PARG: variants seen among roughly 807,000 people sequenced by gnomAD.
The protein encoded by PARG is poly(ADP-ribose) glycohydrolase.
Under a neutral mutation model 113.0 loss-of-function variants are expected in PARG, and 35 were observed. The ratio of observed to expected loss-of-function variants is 0.31; its 90% confidence interval spans 0.24 to 0.41. The LOEUF is 0.41. Among genes scored for constraint, PARG ranks in the 10% least tolerant of loss-of-function variants. The pLI is 1.00. For missense variants in PARG, 797 were observed against 1,169.4 expected (o/e 0.68, Z 4.64); for synonymous variants, 330 against 409.9 (o/e 0.81, Z 2.36).
chr10:49,901,488 C>G (rs1848346495), intron 7 of PARG, among the ~76,000 whole-genome samples: 1 of 151,304 alleles, frequency 6.6e-6, no homozygotes, highest in Admixed American at 6.6e-5. Flanking sequence ...CCATGCAAAT[C>G]AAGTAACGTG....
chr10:49,907,464 T>G (rs1202784886), intron 7 of PARG, among the ~76,000 whole-genome samples: 1 of 152,116 alleles, frequency 6.6e-6, no homozygotes, highest in Non-Finnish European at 1.5e-5. Context: ...ATGGACCTAT[T>G]TAGTCTTTGA....
intron 7 of PARG, among the ~76,000 whole-genome samples, chr10:49,898,048 C>T (rs1564641148): frequency 6.6e-6 from 1 of 152,004 alleles, no homozygotes; most frequent in African/African-American, 2.4e-5. Context: ...CTTTTCTTCC[C>T]AGGTTCACAA....
At chr10:49,888,608 T>C (rs1554840875) in intron 7 of PARG, among the ~76,000 whole-genome samples, 2 of 152,236 alleles carry the variant, frequency 1.3e-5, no homozygotes, top group Admixed American at 1.3e-4. Flanking sequence ...GTTTTCTGTA[T>C]AGGCATTGTG....
chr10:49,830,910 T>G (rs1249795089), intron 16 of PARG, among the ~76,000 whole-genome samples: 1 of 152,214 alleles, frequency 6.6e-6, no homozygotes, highest in African/African-American at 2.4e-5. Flanking sequence ...ACTGTAGTAC[T>G]CCTTATAATA....
In PARG at chr10:49,865,914, C is replaced by G. The variant is rs1426834430; in HGVS notation, c.2069-533G>C. ...AAAAAGGAAATCATTTGCACATCCT[C>G]TGGAGTTAGTACAGCTAAGTCTCAG... On this transcript the variant is annotated intron_variant, in intron 10 of 17. Coordinates refer to ENST00000616448, the MANE Select transcript of PARG (RefSeq NM_003631.5). Among the ~76,000 whole-genome samples the G allele has an allele frequency of 4.1e-4, 62 of 151,198 alleles. 1 individual carries two copies. Among genetic ancestry groups the G allele is most frequent in the African/African-American group, 1.5e-3 (60 of 41,222 alleles).
chr10:49,836,306 A>ATTTTTTTTT (rs1844922089), intron 15 of PARG, among the ~76,000 whole-genome samples: 1 of 26,280 alleles, frequency 3.8e-5, no homozygotes, highest in Non-Finnish European at 1.3e-4. Context: ...ATTTCTTACG[A>ATTTTTTTTT]CTTTTTTTTT....
At position 49,819,500 on chromosome 10, in the gene PARG, G is replaced by A; in HGVS notation, c.2777-6C>T. 6.5e-7 allele frequency: 1 copy of A among 1,549,492 alleles called. No individual in the cohort carries two copies. Among genetic ancestry groups the A allele is most frequent in the Non-Finnish European group, 8.7e-7 (1 of 1,145,122 alleles). The stretch of plus-strand genomic sequence containing the variant: ...CAACAGCTTATACACATCTCCTGGA[G>A]AGCAAAAGGTCAGACCAGAGGCACA... On this transcript the variant is annotated splice_polypyrimidine_tract_variant and splice_region_variant and intron_variant, in intron 17 of 17. Coordinates refer to ENST00000616448, the MANE Select transcript of PARG (RefSeq NM_003631.5).
intron 8 of PARG, among the ~76,000 whole-genome samples, 198 bp downstream of exon 8, chr10:49,885,004 TC>T (rs1847397942): frequency 6.6e-6 from 1 of 150,916 alleles, no homozygotes; most frequent in Non-Finnish European, 1.5e-5. Context: ...TCTAACCTTT[TC>T]CTTAATACAG....
At chr10:49,874,793 G>A (rs2132600197) in intron 9 of PARG, among the ~76,000 whole-genome samples, 1 of 147,988 alleles carries the variant, frequency 6.8e-6, no homozygotes, top group South Asian at 2.2e-4. Flanking sequence ...GGTGGAGCTT[G>A]CAGTGAGCCG....
At chr10:49,835,196 C>T (rs1221015850) in intron 15 of PARG, among the ~76,000 whole-genome samples, 1 of 152,068 alleles carries the variant, frequency 6.6e-6, no homozygotes, top group South Asian at 2.1e-4. Flanking sequence ...CACTCCACAG[C>T]GAAAGGCATT....
intron 16 of PARG, among the ~76,000 whole-genome samples, chr10:49,822,485 A>G (rs1203645058): frequency 2.0e-5 from 3 of 152,232 alleles, no homozygotes; most frequent in East Asian, 3.8e-4. Context: ...TGGATAAAAC[A>G]AAACGAAACA....
At chr10:49,825,403 G>C (rs1554829263) in intron 16 of PARG, among the ~76,000 whole-genome samples, 1 of 152,052 alleles carries the variant, frequency 6.6e-6, no homozygotes, top group Admixed American at 6.5e-5. Flanking sequence ...AGCACACAAG[G>C]GCTTCAATCC....
At chr10:49,920,463 A>AAAAAAAATAT (rs1431747248) in intron 6 of PARG, among the ~76,000 whole-genome samples, 1 of 47,988 alleles carries the variant, frequency 2.1e-5, no homozygotes, top group Admixed American at 2.4e-4. Flanking sequence ...AAAAAAAAAA[A>AAAAAAAATAT]ATATATATAT....
intron 6 of PARG, among the ~76,000 whole-genome samples, chr10:49,917,695 C>T (rs148987700): frequency 4.5e-3 from 669 of 149,716 alleles, no homozygotes; most frequent in East Asian, 0.018. Context: ...TGCGTGCCTG[C>T]AGTCTCAGCT....
chr10:49,915,699 G>A (rs1241144543), intron 7 of PARG, among the ~76,000 whole-genome samples: 1 of 151,844 alleles, frequency 6.6e-6, no homozygotes, highest in East Asian at 1.9e-4. Flanking sequence ...GCTGATAATG[G>A]TATGAAAATA....
chr10:49,850,477 G>C (rs1588896570), intron 13 of PARG, among the ~76,000 whole-genome samples: 1 of 152,114 alleles, frequency 6.6e-6, no homozygotes, highest in East Asian at 1.9e-4. Context: ...TTTTTTTAAG[G>C]GGGTAGAGAA....
intron 7 of PARG, among the ~76,000 whole-genome samples, chr10:49,898,756 TG>T (rs1848216690): frequency 6.6e-6 from 1 of 151,876 alleles, no homozygotes; most frequent in African/African-American, 2.4e-5. Context: ...GATACGATCC[TG>T]GAATATCTTT....
chr10:49,885,439 A>T (rs1847429392), intron 7 of PARG, 144 bp from the exon 8 acceptor site: 6 of 619,050 alleles, frequency 9.7e-6, no homozygotes, highest in Admixed American at 2.8e-5. Context: ...CACCAAACAC[A>T]TGTACAAATG....
At chr10:49,877,293 C>T (rs2132611761) in intron 9 of PARG, among the ~76,000 whole-genome samples, 1 of 149,626 alleles carries the variant, frequency 6.7e-6, no homozygotes, top group East Asian at 1.9e-4. Context: ...AAACATTCTC[C>T]AATTTTAAAA....
Sources: gnomAD v4.1 joint callset for allele counts (sites outside exome capture counted in the v4.1 genomes callset) on GRCh38, gnomAD v4.1.1 for gene constraint, MANE v1.5 for transcripts, NCBI Gene and HGNC (gene_info 2026-07-23, HGNC 2026-07-21) for gene names.